Variants in NDST3 observed in about 807,000 individuals in gnomAD.
NDST3 encodes bifunctional heparan sulfate N-deacetylase/N-sulfotransferase 3.
Under a neutral mutation model 96.1 loss-of-function variants are expected in NDST3, and 58 were observed. That is an observed-to-expected ratio of 0.60 (90% CI 0.49 to 0.75). NDST3 has a LOEUF of 0.75. Ranked by LOEUF, NDST3 falls within the 30% of genes least tolerant of loss-of-function variation. The probability of loss-of-function intolerance (pLI) is 0.00; values close to 1 mark genes in which losing one functional copy is unlikely to be tolerated. For synonymous variants in NDST3, 333 were observed against 359.7 expected, an observed-to-expected ratio of 0.93 and a Z score of 0.84; for missense variants, 788 against 1,034.2, an observed-to-expected ratio of 0.76 and a Z score of 3.27.
intron 13 of NDST3, among the ~76,000 whole-genome samples, chr4:118,255,286 A>G (rs1228504284): frequency 6.6e-6 from 1 of 152,170 alleles, no homozygotes; most frequent in Non-Finnish European, 1.5e-5. Context: ...TGATTTTGTG[A>G]AAATAATGTC....
intron 2 of NDST3, among the ~76,000 whole-genome samples, chr4:118,095,060 C>A (rs1336084874): frequency 2.0e-5 from 3 of 151,518 alleles, no homozygotes; most frequent in Non-Finnish European, 4.4e-5. Context: ...GTCAATTATA[C>A]CTTAACAGAG....
At chr4:118,064,182 A>C (rs1160603973) in intron 2 of NDST3, among the ~76,000 whole-genome samples, 2 of 152,078 alleles carry the variant, frequency 1.3e-5, no homozygotes, top group East Asian at 3.8e-4. Flanking sequence ...TGATAATCTC[A>C]CTTTTTCTAT....
intron 3 of NDST3, among the ~76,000 whole-genome samples, chr4:118,106,981 T>C (rs1730243229): frequency 6.6e-6 from 1 of 152,120 alleles, no homozygotes; most frequent in Admixed American, 6.5e-5. Context: ...TCCCAGCTAC[T>C]AGGGAGGCTG....
intron 2 of NDST3, among the ~76,000 whole-genome samples, chr4:118,090,532 C>A (rs1473068816): frequency 4.0e-5 from 6 of 151,800 alleles, no homozygotes; most frequent in South Asian, 2.1e-4. Context: ...CTATTTACAG[C>A]AGAGGCTTGA....
chr4:118,238,798 C>A (rs1740844158), intron 10 of NDST3, among the ~76,000 whole-genome samples: 1 of 152,172 alleles, frequency 6.6e-6, no homozygotes, highest in Non-Finnish European at 1.5e-5. Flanking sequence ...AATGACAAAG[C>A]CCACCTGACA....
intron 4 of NDST3, among the ~76,000 whole-genome samples, chr4:118,129,912 G>GATATATATA (rs1732464484): frequency 6.6e-6 from 1 of 151,734 alleles, no homozygotes; most frequent in South Asian, 2.1e-4. Context: ...ACTATTACGG[G>GATATATATA]GTTGACTCCT....
At chr4:118,216,452 T>C (rs1739199858) in intron 6 of NDST3, among the ~76,000 whole-genome samples, 1 of 152,152 alleles carries the variant, frequency 6.6e-6, no homozygotes, top group Non-Finnish European at 1.5e-5. Context: ...TTTTTAACTT[T>C]ACATTTAATT....
chr4:118,088,376 T>C (rs1483396945), intron 2 of NDST3, among the ~76,000 whole-genome samples: 1 of 152,038 alleles, frequency 6.6e-6, no homozygotes, highest in Non-Finnish European at 1.5e-5. Flanking sequence ...CTAAAGGTAT[T>C]TATTGTGGAT....
intron 6 of NDST3, among the ~76,000 whole-genome samples, chr4:118,156,869 A>C (rs1008458721): frequency 1.3e-5 from 2 of 152,228 alleles, no homozygotes; most frequent in Non-Finnish European, 2.9e-5. Context: ...TACAACCCTA[A>C]TGGAAGAAAT....
chr4:118,233,285 C>T (rs541669131), intron 9 of NDST3, 150 bp downstream of exon 9: 3 of 615,746 alleles, frequency 4.9e-6, no homozygotes, highest in Non-Finnish European at 7.2e-6. Flanking sequence ...TAAAGGGGCT[C>T]AGAAATTTTT....
At chr4:118,171,644 T>A (rs1336407983) in intron 6 of NDST3, among the ~76,000 whole-genome samples, 1 of 152,172 alleles carries the variant, frequency 6.6e-6, no homozygotes, top group Non-Finnish European at 1.5e-5. Context: ...ACAGAAGCTT[T>A]ATTTGCATAT....
chr4:118,215,448 C>A (rs1027627216), intron 6 of NDST3, among the ~76,000 whole-genome samples: 1 of 151,940 alleles, frequency 6.6e-6, no homozygotes, highest in Non-Finnish European at 1.5e-5. Flanking sequence ...ATGGTGGGGA[C>A]AAAACCCAAG....
intron 6 of NDST3, among the ~76,000 whole-genome samples, chr4:118,205,423 T>C (rs1738372812): frequency 6.9e-6 from 1 of 144,822 alleles, no homozygotes; most frequent in African/African-American, 2.5e-5. Flanking sequence ...AACCTTTCCC[T>C]GCCCTCTAAA....
chr4:118,104,337 A>G (rs900210944), intron 2 of NDST3, among the ~76,000 whole-genome samples: 1 of 152,130 alleles, frequency 6.6e-6, no homozygotes, highest in Non-Finnish European at 1.5e-5. Context: ...GAGAGGGAGT[A>G]TAAGAATCAG....
chr4:118,064,140 A>G (rs1726117080), intron 2 of NDST3, among the ~76,000 whole-genome samples: 1 of 152,174 alleles, frequency 6.6e-6, no homozygotes. Flanking sequence ...CTGGCGCTCA[A>G]TCAATTAAAG....
intron 6 of NDST3, among the ~76,000 whole-genome samples, chr4:118,144,840 C>T (rs1057252063): frequency 6.6e-6 from 1 of 152,024 alleles, no homozygotes; most frequent in African/African-American, 2.4e-5. Context: ...ATAGTCCCTG[C>T]AAATAAAATT....
At chr4:118,151,947 G>A (rs1734427774) in intron 6 of NDST3, among the ~76,000 whole-genome samples, 1 of 152,108 alleles carries the variant, frequency 6.6e-6, no homozygotes, top group Non-Finnish European at 1.5e-5. Context: ...CATCATAATT[G>A]TGGGTTGTAT....
rs1311836573 is a variant in NDST3, at chr4:118,193,615, G to C, written c.1540-30876G>C. On this transcript the variant is annotated intron_variant, in intron 6 of 13. Coordinates refer to ENST00000296499, the MANE Select transcript of NDST3 (RefSeq NM_004784.3). Reference sequence around the variant, plus strand: ...GCTGGCACACAGCCAGCTGGGCCTTGGCGGCTTCGTTGTTGGGGTAGAGCT... The same window carrying C: ...GCTGGCACACAGCCAGCTGGGCCTTCGCGGCTTCGTTGTTGGGGTAGAGCT... 3 of 1,245,426 alleles carry C rather than the reference G, an allele frequency of 2.4e-6. No individual in the cohort carries two copies. In the Admixed American group the frequency reaches 5.1e-5, roughly 21 times the overall value. The allele number at this position is 1,245,426 out of a possible 1,614,324, so 77.1% of individuals were successfully genotyped here. A position where few individuals can be genotyped will look rare whatever the true frequency, so the allele number is the denominator to read the frequency against.
intron 6 of NDST3, among the ~76,000 whole-genome samples, chr4:118,199,588 TC>T (rs1382119095): frequency 1.3e-5 from 2 of 152,184 alleles, no homozygotes; most frequent in Non-Finnish European, 2.9e-5. Context: ...TTCATTGAAG[TC>T]ATGTTTTCCT....
Sources: allele counts gnomAD v4.1 joint callset (sites outside exome capture counted in the v4.1 genomes callset), GRCh38; gene constraint gnomAD v4.1.1; transcripts MANE v1.5; gene names NCBI Gene and HGNC (gene_info 2026-07-23, HGNC 2026-07-21).